Variants in EFHC1 observed in about 807,000 individuals in gnomAD.
EFHC1 encodes the protein EF-hand domain containing 1.
EFHC1 carries 53 observed loss-of-function variants against 69.9 expected under a neutral mutation model. The ratio of observed to expected loss-of-function variants is 0.76; its 90% CI spans 0.61 to 0.95. EFHC1 has a LOEUF of 0.95. Among genes scored for constraint, EFHC1 ranks in the 40% least tolerant of loss-of-function variants. The pLI is 0.00. For synonymous variants in EFHC1, 256 were observed against 278.4 expected (o/e 0.92, Z 0.80); for missense variants, 739 against 798.7 (o/e 0.93, Z 0.90).
chr6:52,477,815 T>G (rs889741359), intron 7 of EFHC1, among the ~76,000 whole-genome samples: 3 of 152,232 alleles, frequency 2.0e-5, no homozygotes, highest in Non-Finnish European at 4.4e-5. Context: ...GGAACACTTT[T>G]ACACTGTTGG....
intron 7 of EFHC1, among the ~76,000 whole-genome samples, chr6:52,471,867 A>AAAAAT (rs1175060657): frequency 6.6e-6 from 1 of 151,802 alleles, no homozygotes; most frequent in Non-Finnish European, 1.5e-5. Flanking sequence ...GACTCCGTCT[A>AAAAAT]AAAATAAAAT....
chr6:52,432,729 C>T (rs1352379234), intron 2 of EFHC1, among the ~76,000 whole-genome samples: 2 of 152,154 alleles, frequency 1.3e-5, no homozygotes, highest in African/African-American at 4.8e-5. Context: ...CTTTGAGCTT[C>T]TTGTGTTTGG....
At chr6:52,481,671 C>G (rs1765679427) in intron 9 of EFHC1, 1 of 152,122 alleles carries the variant, frequency 6.6e-6, no homozygotes, top group Non-Finnish European at 1.5e-5. Context: ...AGGTGTACAC[C>G]ACTATTCCTA....
Position 52,477,838 on chromosome 6 carries a change from C to T in EFHC1, c.1279-1199C>T, listed in dbSNP as rs372252719. On this transcript the variant is annotated intron_variant, in intron 7 of 10. Coordinates refer to ENST00000371068, the MANE Select transcript of EFHC1 (RefSeq NM_018100.4). ...TTTACACTGTTGGTGGGACTGTAGA[C>T]TAGTTCAACCATTGTGGAAGTCAGT... Among the ~76,000 whole-genome samples the T allele has an allele frequency of 4.8e-4, 73 of 152,302 alleles. 1 individual carries two copies. The highest frequency in any genetic ancestry group is 1.9e-3 in the South Asian group (9 of 4,822).
intron 2 of EFHC1, chr6:52,429,855 A>T (rs1562444009): frequency 6.6e-6 from 1 of 151,514 alleles, no homozygotes; most frequent in Non-Finnish European, 1.5e-5. Context: ...TTGTTTCATT[A>T]TTTGTGTCAT....
intron 6 of EFHC1, among the ~76,000 whole-genome samples, chr6:52,465,778 G>T (rs555157847): frequency 6.7e-6 from 1 of 150,344 alleles, no homozygotes; most frequent in South Asian, 2.1e-4. Context: ...TTGCACTCCA[G>T]CCTGGGCAAC....
At position 52,492,405 on chromosome 6, in the gene EFHC1, C is replaced by CAA. The variant is rs1210686267; in HGVS notation, c.*65_*66insAA. 6.8e-7 allele frequency: 1 copy of CAA among 1,468,552 alleles called. No homozygotes were observed. Among genetic ancestry groups the CAA allele is most frequent in the Non-Finnish European group, 9.5e-7 (1 of 1,053,030 alleles). 91.0% of individuals were successfully genotyped at this position (1,468,552 alleles called of 1,614,324 possible). A position where few individuals can be genotyped will look rare whatever the true frequency, so the allele number is the denominator to read the frequency against. ...GAACTATGCTTTGAAATACACCTTA[C>CAA]ACTCTTCATAGAGGCATTTACAGGG... On this transcript the variant is annotated 3_prime_UTR_variant, in exon 11 of 11. Coordinates refer to ENST00000371068, the MANE Select transcript of EFHC1 (RefSeq NM_018100.4).
chr6:52,433,609 T>A (rs1764463132), intron 2 of EFHC1, among the ~76,000 whole-genome samples: 1 of 152,074 alleles, frequency 6.6e-6, no homozygotes, highest in Admixed American at 6.5e-5. Flanking sequence ...TCTGTGAGGG[T>A]CCTTAGCCTT....
intron 9 of EFHC1, among the ~76,000 whole-genome samples, chr6:52,484,827 A>G (rs1029864115): frequency 6.6e-6 from 1 of 152,158 alleles, no homozygotes; most frequent in African/African-American, 2.4e-5. Flanking sequence ...TGCAGTAGAA[A>G]CAGTGAGGAT....
chr6:52,458,714 A>G (rs1216081837), intron 5 of EFHC1, among the ~76,000 whole-genome samples: 1 of 152,192 alleles, frequency 6.6e-6, no homozygotes, highest in African/African-American at 2.4e-5. Context: ...AACAGTTTGG[A>G]GATTTCTCCA....
At position 52,424,126 on chromosome 6, in the gene EFHC1, C is replaced by T. The variant is rs1450083956; in HGVS notation, c.244C>T (p.Pro82Ser). ...TTATGGCCAACCTAAACAAGCCCCA[C>T]CTGCGGATTTTATTCCTGCGCATGT... Reference protein sequence around the residue: ...LTYGQPKQAPPADFIPAHVAF... With the variant: ...LTYGQPKQAPSADFIPAHVAF... Residue 82 changes from proline to serine, a missense_variant, in exon 2 of 11, where the codon CCT (proline) becomes TCT (serine). Pro to Ser is a moderately conservative substitution (Grantham distance 74, BLOSUM62 -1). Coordinates refer to ENST00000371068, the MANE Select transcript of EFHC1 (RefSeq NM_018100.4). The T allele has an allele frequency of 6.8e-6, 11 of 1,614,006 alleles. No individual in the cohort carries two copies. The highest frequency in any genetic ancestry group is 4.0e-5 in the African/African-American group (3 of 74,920).
Position 52,427,708 on chromosome 6 carries a change from G to T in EFHC1, c.285+3541G>T, listed in dbSNP as rs551569008. ...GCTCAATAAATATCAGTTCTAAAAT[G>T]ACATGAATAATTAACAAAATTTATT... On this transcript the variant is annotated intron_variant, in intron 2 of 10. Transcript: ENST00000371068. 5.3e-5 allele frequency among the ~76,000 whole-genome samples: 8 copies of T among 152,174 alleles called. No homozygotes were observed. The South Asian group carries it at 1.7e-3, about 32-fold the overall frequency.
rs140377254 is a variant in EFHC1 at position 52,462,877 on chromosome 6, G to A, written c.917-2018G>A. Among the ~76,000 whole-genome samples, 280 of 121,768 alleles carry A rather than the reference G, an allele frequency of 2.3e-3. 1 individual carries two copies. Among genetic ancestry groups the A allele is most frequent in the African/African-American group, 8.3e-3 (261 of 31,360 alleles). The allele number at this position is 121,768 out of a possible 152,430, so 79.9% of individuals were successfully genotyped here. On this transcript the variant is annotated intron_variant, in intron 5 of 10. Transcript: ENST00000371068. ...CACTCCAGGCTGGGCAACAGGGCAA[G>A]ACTGTCTCAAAAAAAAAAAAAAAAG... is the stretch of plus-strand genomic sequence containing the variant.
chr6:52,422,449 A>C lies in EFHC1; in HGVS notation c.64-1497A>C, dbSNP rs182985219. Among the ~76,000 whole-genome samples the C allele has an allele frequency of 3.2e-3, 492 of 152,306 alleles. 2 individuals are homozygous for C. Among genetic ancestry groups the C allele is most frequent in the African/African-American group, 0.012 (481 of 41,576 alleles). On this transcript the variant is annotated intron_variant, in intron 1 of 10. Transcript: ENST00000371068. ...CTGAATACATGACCTTTAAAAACAAATGTCATACATTTGTTTTTATGGGTT... is the reference window on the plus strand; with the variant it reads ...CTGAATACATGACCTTTAAAAACAACTGTCATACATTTGTTTTTATGGGTT...
rs560389647 is a variant in EFHC1 at position 52,456,201 on chromosome 6, G to A, written c.916+1914G>A. Among the ~76,000 whole-genome samples, 10 of 152,286 alleles carry A rather than the reference G, an allele frequency of 6.6e-5. 1 individual carries two copies. The South Asian group carries it at 2.1e-3, about 32-fold the overall frequency. On this transcript the variant is annotated intron_variant, in intron 5 of 10. Coordinates refer to ENST00000371068, the MANE Select transcript of EFHC1 (RefSeq NM_018100.4). ...CTAATTCAGCTTGTATTCTCAAATA[G>A]AAACAACTGGATCTGTGCCCTAGTT... is the stretch of plus-strand genomic sequence containing the variant.
chr6:52,452,842 G>A lies in EFHC1; in HGVS notation c.723+5G>A. 1 of 1,614,106 alleles carries A rather than the reference G, an allele frequency of 6.2e-7. No individual in the cohort carries two copies. Among genetic ancestry groups the A allele is most frequent in the Non-Finnish European group, 8.5e-7 (1 of 1,180,024 alleles). On this transcript the variant is annotated splice_donor_5th_base_variant and intron_variant, in intron 4 of 10. Transcript: ENST00000371068. ...TTTCTCACCTTTGACAAACAGGTAA[G>A]TGACATAGGAACCACAATAGGCTTA...
chr6:52,454,912 T>C (rs1439318978), intron 5 of EFHC1, among the ~76,000 whole-genome samples: 3 of 151,882 alleles, frequency 2.0e-5, no homozygotes, highest in Non-Finnish European at 4.4e-5. Flanking sequence ...GGCAACGTGA[T>C]GAAACCTCCT....
At chr6:52,429,212 A>G (rs1416894032) in intron 2 of EFHC1, among the ~76,000 whole-genome samples, 3 of 151,924 alleles carry the variant, frequency 2.0e-5, no homozygotes, top group Non-Finnish European at 4.4e-5. Flanking sequence ...TCCCAGCTAT[A>G]TATCTTTGTT....
intron 1 of EFHC1, 149 bp downstream of exon 1, chr6:52,420,622 C>A: frequency 2.0e-6 from 2 of 1,014,066 alleles, no homozygotes; most frequent in Non-Finnish European, 3.0e-6. Flanking sequence ...TTATTCTGGG[C>A]CGAACTTCTG....
Sources: allele counts gnomAD v4.1 joint callset (sites outside exome capture counted in the v4.1 genomes callset), GRCh38; gene constraint gnomAD v4.1.1; transcripts MANE v1.5; gene names NCBI Gene and HGNC (gene_info 2026-07-23, HGNC 2026-07-21).